Variants in ROBO2 observed in about 807,000 individuals in gnomAD.
ROBO2 encodes roundabout homolog 2.
In ROBO2, 53 loss-of-function variants were observed where a neutral mutation model predicts 160.8. The ratio of observed to expected loss-of-function variants is 0.33; its 90% CI spans 0.26 to 0.41. ROBO2 has a LOEUF of 0.41. Among genes scored for constraint, ROBO2 ranks in the 10% least tolerant of loss-of-function variants. The pLI, the probability that ROBO2 is intolerant of heterozygous loss-of-function variation, is 1.00. For synonymous variants in ROBO2, 664 were observed against 611.7 expected (o/e 1.09, Z -1.26); for missense variants, 1,577 against 1,722.4 (o/e 0.92, Z 1.49).
chr3:76,525,906 A>G (rs899371059), intron 2 of ROBO2, among the ~76,000 whole-genome samples: 1 of 152,018 alleles, frequency 6.6e-6, no homozygotes, highest in African/African-American at 2.4e-5. Flanking sequence ...GTAGGATTCC[A>G]TTTAGAAAGC....
At chr3:77,455,056 C>A (rs2081487282) in intron 2 of ROBO2, among the ~76,000 whole-genome samples, 1 of 152,080 alleles carries the variant, frequency 6.6e-6, no homozygotes, top group South Asian at 2.1e-4. Context: ...TAGTCACTAG[C>A]TTGTAATTTC....
At chr3:77,525,188 C>A (rs536648089) in intron 6 of ROBO2, among the ~76,000 whole-genome samples, 2 of 149,422 alleles carry the variant, frequency 1.3e-5, no homozygotes, top group South Asian at 4.2e-4. Flanking sequence ...CCATTTAATG[C>A]AGAGACACAG....
intron 2 of ROBO2, among the ~76,000 whole-genome samples, chr3:76,823,090 T>A (rs936237496): frequency 1.4e-4 from 21 of 152,128 alleles, no homozygotes; most frequent in African/African-American, 5.1e-4. Context: ...AATAAATGTA[T>A]ACATTCATCC....
intron 2 of ROBO2, among the ~76,000 whole-genome samples, chr3:76,625,007 G>T (rs778205464): frequency 6.6e-5 from 10 of 151,866 alleles, no homozygotes; most frequent in Non-Finnish European, 1.0e-4. Flanking sequence ...CTAATCACAA[G>T]TTTGCATTTA....
chr3:75,949,198 C>CT (rs1948443179), intron 2 of ROBO2, among the ~76,000 whole-genome samples: 1 of 152,084 alleles, frequency 6.6e-6, no homozygotes, highest in Non-Finnish European at 1.5e-5. Flanking sequence ...TCTTTAGCTA[C>CT]TTTTTTTCTC....
chr3:77,038,372 G>A (rs2063759127), upstream of ROBO2, among the ~76,000 whole-genome samples: 1 of 152,068 alleles, frequency 6.6e-6, no homozygotes, highest in South Asian at 2.1e-4. Context: ...TTTCATTACC[G>A]TAATTTTCAA....
At chr3:76,213,471 A>C (rs1703282423) in intron 2 of ROBO2, among the ~76,000 whole-genome samples, 1 of 152,162 alleles carries the variant, frequency 6.6e-6, no homozygotes, top group African/African-American at 2.4e-5. Context: ...TTGTGAAAAG[A>C]AAAATGAGAA....
intron 2 of ROBO2, among the ~76,000 whole-genome samples, chr3:76,263,233 A>G (rs192533976): frequency 1.2e-4 from 19 of 152,174 alleles, no homozygotes; most frequent in African/African-American, 4.6e-4. Flanking sequence ...ATGGTACAAT[A>G]GTCCTTTTTT....
chr3:77,365,960 G>C lies in ROBO2; in HGVS notation c.389-111454G>C, dbSNP rs541874395. Among the ~76,000 whole-genome samples the C allele has an allele frequency of 9.9e-5, 15 of 152,198 alleles. 1 individual carries two copies. Among genetic ancestry groups the C allele is most frequent in the African/African-American group, 3.4e-4 (14 of 41,532 alleles). The stretch of plus-strand genomic sequence containing the variant: ...AAGGACTAGAAAAATTATTTTGATT[G>C]CAGAAAAATGTTTTTTTCTCCATTT... On this transcript the variant is annotated intron_variant, in intron 2 of 25. Transcript: ENST00000461745.
At chr3:76,116,139 T>C (rs1195658627) in intron 2 of ROBO2, among the ~76,000 whole-genome samples, 1 of 152,166 alleles carries the variant, frequency 6.6e-6, no homozygotes, top group Non-Finnish European at 1.5e-5. Context: ...CCTCATTTAG[T>C]ATAAGATCTT....
chr3:76,098,643 C>A (rs2069554460), intron 2 of ROBO2, among the ~76,000 whole-genome samples: 1 of 151,866 alleles, frequency 6.6e-6, no homozygotes, highest in Admixed American at 6.6e-5. Flanking sequence ...AATAAATTAT[C>A]ATTTAAGACA....
intron 2 of ROBO2, among the ~76,000 whole-genome samples, chr3:75,952,205 AT>A (rs919565032): frequency 7.3e-5 from 11 of 151,690 alleles, no homozygotes; most frequent in Admixed American, 6.6e-5. Context: ...TCTTCTCAAT[AT>A]TTTTTTTAAA....
chr3:75,924,605 G>A (rs1383455483), intron 1 of ROBO2, among the ~76,000 whole-genome samples: 4 of 151,098 alleles, frequency 2.6e-5, no homozygotes, highest in Non-Finnish European at 4.4e-5. Context: ...ACAGTAAGAC[G>A]GCTTTTATTT....
chr3:75,937,654 TATG>T, intron 2 of ROBO2: 2 of 1,161,608 alleles, frequency 1.7e-6, no homozygotes, highest in South Asian at 3.2e-5. Context: ...AATTTCACTT[TATG>T]ATGATATTAT....
chr3:76,512,797 T>G (rs2081166268), intron 2 of ROBO2, among the ~76,000 whole-genome samples: 1 of 152,184 alleles, frequency 6.6e-6, no homozygotes, highest in South Asian at 2.1e-4. Context: ...CTCAAATATT[T>G]CATTATGTAT....
intron 2 of ROBO2, among the ~76,000 whole-genome samples, chr3:76,230,177 A>G (rs966381120): frequency 6.6e-6 from 1 of 151,396 alleles, no homozygotes; most frequent in African/African-American, 2.4e-5. Context: ...TCCTTACATC[A>G]CCCCCTCCAC....
intron 1 of ROBO2, among the ~76,000 whole-genome samples, chr3:77,053,892 T>G (rs1363735211): frequency 6.6e-6 from 1 of 152,138 alleles, no homozygotes; most frequent in East Asian, 1.9e-4. Flanking sequence ...AAGGAGAGAA[T>G]GTGATTTAGA....
At chr3:77,053,086 G>A (rs1181280616) in intron 1 of ROBO2, among the ~76,000 whole-genome samples, 1 of 152,106 alleles carries the variant, frequency 6.6e-6, no homozygotes, top group African/African-American at 2.4e-5. Flanking sequence ...ATTATATTAT[G>A]TACATGGCAC....
At chr3:76,993,107 T>C (rs2060786858) in intron 2 of ROBO2, among the ~76,000 whole-genome samples, 1 of 152,148 alleles carries the variant, frequency 6.6e-6, no homozygotes, top group Non-Finnish European at 1.5e-5. Flanking sequence ...CATGAGCCAC[T>C]GTGCCCAGCC....
Sources: allele counts gnomAD v4.1 joint callset (sites outside exome capture counted in the v4.1 genomes callset), GRCh38; gene constraint gnomAD v4.1.1; transcripts MANE v1.5; gene names NCBI Gene and HGNC (gene_info 2026-07-23, HGNC 2026-07-21).